The following CENATAC variants were observed in gnomAD, a reference collection of about 807,000 sequenced individuals.
The protein encoded by CENATAC is coiled-coil domain containing 84.
In CENATAC, 53 loss-of-function variants were observed where a neutral mutation model predicts 53.7. That is an observed-to-expected ratio of 0.99 (90% CI 0.79 to 1.24). The LOEUF (loss-of-function observed/expected upper bound fraction) is 1.24. CENATAC is among the 50% of genes most tolerant of loss of function. CENATAC has a pLI of 0.00. For missense variants in CENATAC, 474 were observed against 417.8 expected, an observed-to-expected ratio of 1.13 and a Z score of -1.17; for synonymous variants, 156 against 144.6, an observed-to-expected ratio of 1.08 and a Z score of -0.57.
intron 3 of CENATAC, among the ~76,000 whole-genome samples, chr11:118,999,864 G>C (rs946469908): frequency 3.9e-5 from 6 of 151,902 alleles, no homozygotes; most frequent in Non-Finnish European, 7.4e-5. Context: ...GGATGGTCTC[G>C]ATCTCCTGAC....
intron 3 of CENATAC, among the ~76,000 whole-genome samples, chr11:119,000,510 T>A (rs561315847): frequency 3.4e-4 from 51 of 151,414 alleles, no homozygotes; most frequent in African/African-American, 1.1e-3. Context: ...TAAAAAAAAA[T>A]TTTTTTTGTC....
At chr11:119,011,197 G>T in intron 4 of CENATAC, 24 bp from the exon 5 acceptor site, 4 of 1,609,520 alleles carry the variant, frequency 2.5e-6, no homozygotes, top group Non-Finnish European at 3.4e-6. Context: ...TCCTGTACCT[G>T]TCTAAGCAGC....
intron 5 of CENATAC, 159 bp downstream of exon 5, chr11:119,011,442 C>T (rs996016046): frequency 2.1e-5 from 12 of 584,654 alleles, no homozygotes; most frequent in East Asian, 1.4e-4. Flanking sequence ...GGCACGATCT[C>T]GGCTCACTGC....
At chr11:119,006,517 A>C (rs980582139) in intron 3 of CENATAC, among the ~76,000 whole-genome samples, 21 of 149,924 alleles carry the variant, frequency 1.4e-4, no homozygotes, top group Non-Finnish European at 3.0e-5. Flanking sequence ...TTACAGGCGT[A>C]AGCCACCATG....
chr11:119,011,000 C>T (rs971432680), intron 4 of CENATAC, among the ~76,000 whole-genome samples, 170 bp downstream of exon 4: 1 of 152,182 alleles, frequency 6.6e-6, no homozygotes, highest in African/African-American at 2.4e-5. Context: ...AGATACCTTG[C>T]ATGCCCAGTT....
chr11:119,012,259 A>G lies in CENATAC; in HGVS notation c.684+5A>G, dbSNP rs1261235151. 2 of 1,614,024 alleles carry G rather than the reference A, an allele frequency of 1.2e-6. No individual in the cohort carries two copies. Among genetic ancestry groups the G allele is most frequent in the Non-Finnish European group, 1.7e-6 (2 of 1,179,990 alleles). On this transcript the variant is annotated splice_donor_5th_base_variant and intron_variant, in intron 7 of 10. Coordinates refer to ENST00000334418, the MANE Select transcript of CENATAC (RefSeq NM_198489.3). ...CTGACATTCATTGGCCATCAGGTACAAAGGATAAGCAAGCCAGAAGAGGGC... is the reference window on the plus strand; with the variant it reads ...CTGACATTCATTGGCCATCAGGTACGAAGGATAAGCAAGCCAGAAGAGGGC...
rs535130498 is a variant in CENATAC at position 119,012,229 on chromosome 11, C to T, written c.659C>T (p.Pro220Leu). 6.2e-7 allele frequency: 1 copy of T among 1,614,088 alleles called. No homozygotes were observed. The highest frequency in any genetic ancestry group is 1.3e-5 in the African/African-American group (1 of 74,998). ...GAGCTTGACTGGATGGAGACAGGAC[C>T]ATCTCTGACATTCATTGGCCATCAG... ...APELDWMETG[P>L]SLTFIGHQDI... The change falls in exon 7 of 11, where the codon CCA (proline) becomes CTA (leucine). Residue 220 changes from proline (P) to leucine (L), a missense_variant. Pro to Leu is a moderately conservative substitution (Grantham distance 98, BLOSUM62 -3). Transcript: ENST00000334418.
chr11:119,007,067 C>A (rs949539223), intron 3 of CENATAC, among the ~76,000 whole-genome samples: 1 of 152,208 alleles, frequency 6.6e-6, no homozygotes, highest in Non-Finnish European at 1.5e-5. Context: ...GACTAAGACA[C>A]CCTGTCAACA....
chr11:119,001,587 C>G (rs1021490961), intron 3 of CENATAC: 2 of 454,132 alleles, frequency 4.4e-6, no homozygotes, highest in East Asian at 6.9e-5. Flanking sequence ...CATGACATAC[C>G]TTTTTAATTT....
chr11:119,008,019 T>C (rs145844091), intron 3 of CENATAC, among the ~76,000 whole-genome samples: 1 of 150,368 alleles, frequency 6.7e-6, no homozygotes, highest in African/African-American at 2.5e-5. Context: ...CCAGTGTGAG[T>C]TGTGGGATAT....
chr11:119,014,901 C>G (rs1783097112), intron 8 of CENATAC, 93 bp from the exon 9 acceptor site: 1 of 817,176 alleles, frequency 1.2e-6, no homozygotes, highest in Non-Finnish European at 1.9e-6. Context: ...ATTTCTAGCT[C>G]TTAATGAGGA....
At chr11:119,011,325 C>T (rs782167457) in intron 5 of CENATAC, 42 bp downstream of exon 5, 4 of 1,591,034 alleles carry the variant, frequency 2.5e-6, no homozygotes, top group Non-Finnish European at 2.6e-6. Context: ...TCCAAATCCA[C>T]TGATCCCTGG....
At chr11:119,000,602 A>C (rs1440481376) in intron 3 of CENATAC, among the ~76,000 whole-genome samples, 1 of 151,892 alleles carries the variant, frequency 6.6e-6, no homozygotes, top group African/African-American at 2.4e-5. Context: ...CTAAAAATAC[A>C]AAAATTAGCT....
At chr11:118,998,629 C>CGCATACAT in intron 2 of CENATAC, 36 bp downstream of exon 2, 1 of 1,547,780 alleles carries the variant, frequency 6.5e-7, no homozygotes, top group Non-Finnish European at 8.7e-7. Context: ...CCAGCACAGA[C>CGCATACAT]GCATACATAT....
Position 119,015,762 on chromosome 11 carries a change from TAAA to T in CENATAC, c.*171_*173del. Reference sequence around the variant, plus strand: ...CCAAATGTACAGCTGGTTGGACCTGTAAAAAAAAATTAAAAGAATCAGAACCAT... The same window carrying T: ...CCAAATGTACAGCTGGTTGGACCTGTAAAAAATTAAAAGAATCAGAACCAT... On this transcript the variant is annotated 3_prime_UTR_variant, in exon 11 of 11. Coordinates refer to ENST00000334418, the MANE Select transcript of CENATAC (RefSeq NM_198489.3). The T allele has an allele frequency of 1.6e-6, 2 of 1,265,530 alleles. No individual in the cohort carries two copies. Among genetic ancestry groups the T allele is most frequent in the Non-Finnish European group, 2.3e-6 (2 of 881,752 alleles). 78.4% of individuals were successfully genotyped at this position (1,265,530 alleles called of 1,614,324 possible). A position where few individuals can be genotyped will look rare whatever the true frequency, so the allele number is the denominator to read the frequency against.
At chr11:119,013,169 G>T (rs1436658059) in intron 7 of CENATAC, 63 bp from the exon 8 acceptor site, 14 of 1,252,812 alleles carry the variant, frequency 1.1e-5, no homozygotes, top group East Asian at 4.7e-5. Flanking sequence ...TCGTTTCTAG[G>T]ATTTTTTTTT....
At chr11:119,010,973 T>C (rs1269898463) in intron 4 of CENATAC, 143 bp downstream of exon 4, 11 of 741,734 alleles carry the variant, frequency 1.5e-5, no homozygotes, top group Non-Finnish European at 2.3e-5. Context: ...TAGATTCTCA[T>C]AAGGAGCACG....
At position 119,004,007 on chromosome 11, in the gene CENATAC, G is replaced by C. The variant is rs76369102; in HGVS notation, c.383+4898G>C. On this transcript the variant is annotated intron_variant, in intron 3 of 10. Transcript: ENST00000334418. ...ATGCATAGAAACAGTTGTCATAACT[G>C]TAAAAAGCAGTACTTAGCAAGTATT... 8.9e-3 allele frequency among the ~76,000 whole-genome samples: 1,362 copies of C among 152,246 alleles called. 22 individuals carry two copies. Among genetic ancestry groups the C allele is most frequent in the African/African-American group, 0.031 (1,280 of 41,550 alleles).
In CENATAC at chr11:118,999,120, G is replaced by T. The variant is rs370163850; in HGVS notation, c.383+11G>T. 3.9e-5 allele frequency: 62 copies of T among 1,582,966 alleles called. No individual in the cohort carries two copies. In the African/African-American group the frequency reaches 7.7e-4, roughly 20 times the overall value. On this transcript the variant is annotated intron_variant, in intron 3 of 10. Coordinates refer to ENST00000334418, the MANE Select transcript of CENATAC (RefSeq NM_198489.3). ...CCAGGATTATGCGCGGTGAGTCACT[G>T]GTATGGAACGTGAAGTAGCAGAGTG...
Sources: gnomAD v4.1 joint callset for allele counts (sites outside exome capture counted in the v4.1 genomes callset) on GRCh38, gnomAD v4.1.1 for gene constraint, MANE v1.5 for transcripts, NCBI Gene and HGNC (gene_info 2026-07-23, HGNC 2026-07-21) for gene names.